The following SLC7A9 variants were observed in gnomAD, a reference collection of about 807,000 sequenced individuals.
The protein encoded by SLC7A9 is B(0,+)-type amino acid transporter 1.
In SLC7A9, 38 loss-of-function variants were observed where a neutral mutation model predicts 54.1. The observed-to-expected ratio is 0.70, with a 90% CI of 0.54 to 0.92. The LOEUF is 0.92. Ranked by LOEUF, SLC7A9 falls within the 40% of genes least tolerant of loss-of-function variation. The probability of loss-of-function intolerance (pLI) is 0.00; values close to 1 mark genes in which losing one functional copy is unlikely to be tolerated. For synonymous variants in SLC7A9, 264 were observed against 258.9 expected, an observed-to-expected ratio of 1.02 and a Z score of -0.19; for missense variants, 537 against 636.1, an observed-to-expected ratio of 0.84 and a Z score of 1.68.
Position 32,864,247 on chromosome 19 carries a change from G to T in SLC7A9, c.327C>A (p.Ala109=). The part of the protein sequence containing the change: ...YLMEAYGPIP[A]YLFSWASLIV... ...TCAGGCTGGCCCAGGAGAAGAGGTA[G>T]GCGGGGATGGGCCCGTAGGCCTCCA... The change falls in exon 4 of 13, where the codon GCC becomes GCA. Residue 109 remains alanine, a synonymous_variant. Transcript: ENST00000023064. The T allele has an allele frequency of 6.8e-6, 11 of 1,614,210 alleles. No homozygotes were observed. Among genetic ancestry groups the T allele is most frequent in the Non-Finnish European group, 9.3e-6 (11 of 1,180,026 alleles).
At chr19:32,860,255 C>G in intron 7 of SLC7A9, 2 of 1,403,990 alleles carry the variant, frequency 1.4e-6, no homozygotes, top group African/African-American at 2.9e-5. Context: ...GCATAGTGAG[C>G]TCATAAGAAA....
chr19:32,833,387 C>T lies in SLC7A9; in HGVS notation c.1225-64G>A, dbSNP rs1037220689. The T allele has an allele frequency of 4.5e-5, 66 of 1,478,558 alleles. No individual in the cohort carries two copies. The Middle Eastern group carries it at 7.1e-4, about 16-fold the overall frequency. 91.6% of individuals were successfully genotyped at this position (1,478,558 alleles called of 1,614,324 possible). ...TTTGAAATTTTTCATGATAAAAAAC[C>T]GATTTTTATAAAAAGAGTATGAACT... On this transcript the variant is annotated intron_variant, in intron 11 of 12. Transcript: ENST00000023064.
At chr19:32,856,287 T>C (rs73036832) in intron 9 of SLC7A9, among the ~76,000 whole-genome samples, 18,039 of 150,030 alleles carry the variant, frequency 0.12, 1,094 homozygotes, top group Middle Eastern at 0.17. Flanking sequence ...CTCTGCCTCC[T>C]GGGTTCACGC....
In SLC7A9 at chr19:32,864,083, C is replaced by T; in HGVS notation, c.478+13G>A. 1 of 1,613,946 alleles carries T rather than the reference C, an allele frequency of 6.2e-7. No individual in the cohort carries two copies. The highest frequency in any genetic ancestry group is 2.2e-5 in the East Asian group (1 of 44,886). Reference sequence around the variant, plus strand: ...GGTCTTTTCTGACCCCTGCCCTGGGCTCAGGTACTCACAGATGGCGGCGGC... The same window carrying T: ...GGTCTTTTCTGACCCCTGCCCTGGGTTCAGGTACTCACAGATGGCGGCGGC... On this transcript the variant is annotated intron_variant, in intron 4 of 12. Transcript: ENST00000023064.
At chr19:32,860,087 A>C (rs757350355) in intron 7 of SLC7A9, 123 bp from the exon 8 acceptor site, 1 of 1,578,890 alleles carries the variant, frequency 6.3e-7, no homozygotes, top group Non-Finnish European at 8.6e-7. Flanking sequence ...GCAGGAACAT[A>C]AGACATTTTC....
In SLC7A9 at chr19:32,830,541, A is replaced by C. The variant is rs2287884; in HGVS notation, c.*79T>G. 8 of 1,087,498 alleles carry C rather than the reference A, an allele frequency of 7.4e-6. No individual in the cohort carries two copies. Among genetic ancestry groups the C allele is most frequent in the Middle Eastern group, 2.6e-4 (1 of 3,838 alleles). The allele number at this position is 1,087,498 out of a possible 1,614,324, so 67.4% of individuals were successfully genotyped here. The stretch of plus-strand genomic sequence containing the variant: ...AACATCTGAGTATATTTTATTCGTA[A>C]GAAAAAAAGGAAGAAATAACCACAA... On this transcript the variant is annotated 3_prime_UTR_variant, in exon 13 of 13. Coordinates refer to ENST00000023064, the MANE Select transcript of SLC7A9 (RefSeq NM_014270.5).
chr19:32,858,588 C>T (rs368382665), intron 8 of SLC7A9, 45 bp from the exon 9 acceptor site: 363 of 1,480,820 alleles, frequency 2.5e-4, no homozygotes, highest in Admixed American at 8.3e-4. Flanking sequence ...TTCTTGGCCT[C>T]CAAGAGCGGC....
At position 32,864,645 on chromosome 19, in the gene SLC7A9, C is replaced by A; in HGVS notation, c.219G>T (p.Gly73=). 1 of 1,613,882 alleles carries A rather than the reference C, an allele frequency of 6.2e-7. No individual in the cohort carries two copies. Among genetic ancestry groups the A allele is most frequent in the Non-Finnish European group, 8.5e-7 (1 of 1,180,022 alleles). The stretch of plus-strand genomic sequence containing the variant: ...TCTCTTTACCCAGCGTCGCGAGGAC[C>A]CCGCAAGCCGCCCATATGATGAGGC... ...GPCLIIWAAC[G]VLATLGALCF... is the part of the protein sequence containing the mutation. The change falls in exon 3 of 13, where the codon GGG becomes GGT. Residue 73 remains glycine (G), a synonymous_variant. Transcript: ENST00000023064.
At position 32,846,175 on chromosome 19, in the gene SLC7A9, A is replaced by G. The variant is rs533397090; in HGVS notation, c.978-2224T>C. On this transcript the variant is annotated intron_variant, in intron 9 of 12. Transcript: ENST00000023064. ...GGGAGTGCCAGACAGTGGGCGCAGGACAGTGGGTGCAGCACACCGTGCATG... is the reference window on the plus strand; with the variant it reads ...GGGAGTGCCAGACAGTGGGCGCAGGGCAGTGGGTGCAGCACACCGTGCATG... Among the ~76,000 whole-genome samples the G allele has an allele frequency of 1.2e-4, 18 of 146,704 alleles. No homozygotes were observed. The South Asian group carries it at 2.6e-3, about 21-fold the overall frequency.
At chr19:32,837,770 T>G (rs1968007102) in intron 11 of SLC7A9, among the ~76,000 whole-genome samples, 1 of 152,180 alleles carries the variant, frequency 6.6e-6, no homozygotes, top group Non-Finnish European at 1.5e-5. Flanking sequence ...TGATGTGTGT[T>G]GAATTTGGAA....
In SLC7A9 at chr19:32,868,491, G is replaced by A. The variant is rs148435870; in HGVS notation, c.44C>T (p.Ser15Leu). Residue 15 changes from serine (S) to leucine (L), a missense_variant, in exon 2 of 13, where the codon TCG becomes TTG. Coordinates refer to ENST00000023064, the MANE Select transcript of SLC7A9 (RefSeq NM_014270.5). ...GLRKRREDEK[S>L]IQSQEPKTTS... is the part of the protein sequence containing the mutation. ...GGTCTTAGGCTCTTGGCTCTGGATCGACTTCTCATCCTCTCTCCGCTTTCT... is the reference window on the plus strand; with the variant it reads ...GGTCTTAGGCTCTTGGCTCTGGATCAACTTCTCATCCTCTCTCCGCTTTCT... The A allele has an allele frequency of 7.5e-5, 121 of 1,614,010 alleles. No homozygotes were observed. The highest frequency in any genetic ancestry group is 9.1e-5 in the Non-Finnish European group (107 of 1,179,986).
At chr19:32,862,415 G>A (rs1223651730) in intron 5 of SLC7A9, 46 bp downstream of exon 5, 1 of 1,610,706 alleles carries the variant, frequency 6.2e-7, no homozygotes, top group Non-Finnish European at 8.5e-7. Flanking sequence ...CCAGTGGAAG[G>A]GCGTTTGGTG....
intron 2 of SLC7A9, among the ~76,000 whole-genome samples, chr19:32,865,299 T>C (rs981596034): frequency 1.8e-4 from 28 of 152,174 alleles, no homozygotes; most frequent in Admixed American, 1.2e-3. Flanking sequence ...TCTTTTATCT[T>C]ATTTTTATTT....
At chr19:32,866,777 C>G (rs769629966) in intron 2 of SLC7A9, among the ~76,000 whole-genome samples, 3 of 152,154 alleles carry the variant, frequency 2.0e-5, no homozygotes, top group Admixed American at 6.5e-5. Flanking sequence ...GCCCTCCGGT[C>G]AAGCCCTAAA....
At chr19:32,843,566 C>T (rs1387564323) in intron 10 of SLC7A9, among the ~76,000 whole-genome samples, 2 of 152,194 alleles carry the variant, frequency 1.3e-5, no homozygotes, top group Non-Finnish European at 2.9e-5. Context: ...AAATGTCTTG[C>T]TCTCCTTCCC....
chr19:32,864,864 G>A, intron 2 of SLC7A9, 88 bp from the exon 3 acceptor site: 1 of 1,575,844 alleles, frequency 6.3e-7, no homozygotes. Context: ...GTACGGCCAG[G>A]GCGGCCCCAG....
At chr19:32,848,924 C>T (rs1311472962) in intron 9 of SLC7A9, among the ~76,000 whole-genome samples, 1 of 152,170 alleles carries the variant, frequency 6.6e-6, no homozygotes, top group Non-Finnish European at 1.5e-5. Flanking sequence ...CAACCTGCTC[C>T]TGAATGACTA....
At chr19:32,852,068 G>A (rs969079238) in intron 9 of SLC7A9, among the ~76,000 whole-genome samples, 8 of 152,014 alleles carry the variant, frequency 5.3e-5, no homozygotes, top group African/African-American at 1.7e-4. Context: ...TATACCTAAC[G>A]TTAAAATGAC....
chr19:32,863,769 C>T (rs1968876395), intron 4 of SLC7A9, among the ~76,000 whole-genome samples: 2 of 152,312 alleles, frequency 1.3e-5, no homozygotes, highest in East Asian at 1.9e-4. Flanking sequence ...TGACCTTAGC[C>T]GGGCTGCCTC....
Sources: gnomAD v4.1 joint callset for allele counts (sites outside exome capture counted in the v4.1 genomes callset) on GRCh38, gnomAD v4.1.1 for gene constraint, MANE v1.5 for transcripts, NCBI Gene and HGNC (gene_info 2026-07-23, HGNC 2026-07-21) for gene names.